Variants in PIK3R2 observed in about 807,000 individuals in gnomAD.
PIK3R2 encodes phosphatidylinositol 3-kinase regulatory subunit beta.
A neutral mutation model predicts 78.5 loss-of-function variants in PIK3R2; 40 were observed. The observed-to-expected ratio is 0.51, with a 90% CI of 0.40 to 0.66. PIK3R2 has a LOEUF of 0.66. Ranked by LOEUF, PIK3R2 falls within the 30% of genes least tolerant of loss-of-function variation. The pLI is 0.00. For synonymous variants in PIK3R2, 473 were observed against 457.7 expected, an observed-to-expected ratio of 1.03 and a Z score of -0.43; for missense variants, 880 against 1,026.6, an observed-to-expected ratio of 0.86 and a Z score of 1.95.
At position 18,156,104 on chromosome 19, in the gene PIK3R2, G is replaced by A. The variant is rs1393139771; in HGVS notation, c.225G>A (p.Val75=). 3.2e-6 allele frequency: 5 copies of A among 1,552,458 alleles called. No homozygotes were observed. The highest frequency in any genetic ancestry group is 4.3e-6 in the Non-Finnish European group (5 of 1,149,452). The part of the protein sequence containing the change: ...RQRGDFPGTY[V]EFLGPVALAR... ...GAGGTGACTTCCCTGGCACCTATGTGGAGTTCCTGGGGCCCGTGGCCCTGG... is the reference window on the plus strand; with the variant it reads ...GAGGTGACTTCCCTGGCACCTATGTAGAGTTCCTGGGGCCCGTGGCCCTGG... The change falls in exon 2 of 16, where the codon GTG becomes GTA. Residue 75 remains valine (V), a synonymous_variant. Transcript: ENST00000222254. The surrounding 1 kb of genome is among the most constrained non-coding windows in gnomAD (Gnocchi z 4.2).
Position 18,156,275 on chromosome 19 carries a change from G to A in PIK3R2, c.322+74G>A. ...CTTGGTCTCCTCTTCTGTCCAGTGA[G>A]GCAATGGGATCTCCAAGGAAGGAGG... is the stretch of plus-strand genomic sequence containing the variant. On this transcript the variant is annotated intron_variant, in intron 2 of 15. Coordinates refer to ENST00000222254, the MANE Select transcript of PIK3R2 (RefSeq NM_005027.4). This position sits in a 1 kb window ranked among gnomAD's most constrained non-coding sequence, Gnocchi z 4.2. The A allele has an allele frequency of 1.7e-6, 2 of 1,155,558 alleles. No individual in the cohort carries two copies. The highest frequency in any genetic ancestry group is 2.4e-6 in the Non-Finnish European group (2 of 850,040). The allele number at this position is 1,155,558 out of a possible 1,614,324, so 71.6% of individuals were successfully genotyped here. A position where few individuals can be genotyped will look rare whatever the true frequency, so the allele number is the denominator to read the frequency against.
Position 18,158,945 on chromosome 19 carries a change from G to C in PIK3R2, c.323-1526G>C, listed in dbSNP as rs273273. ...CAACCTCTGCCTCTCGGGTTCAAGCGATTCTCCTGCCTCAGCCTCCCGAGT... is the reference window on the plus strand; with the variant it reads ...CAACCTCTGCCTCTCGGGTTCAAGCCATTCTCCTGCCTCAGCCTCCCGAGT... On this transcript the variant is annotated intron_variant, in intron 2 of 15. Coordinates refer to ENST00000222254, the MANE Select transcript of PIK3R2 (RefSeq NM_005027.4). 4.0e-3 allele frequency among the ~76,000 whole-genome samples: 603 copies of C among 152,048 alleles called. 6 individuals carry two copies. Among genetic ancestry groups the C allele is most frequent in the African/African-American group, 0.014 (573 of 41,496 alleles).
chr19:18,163,686 G>A (rs148503212), intron 11 of PIK3R2, among the ~76,000 whole-genome samples: 2 of 152,250 alleles, frequency 1.3e-5, no homozygotes, highest in African/African-American at 2.4e-5. Context: ...ACTGGGTGTC[G>A]TGGTGCATGC....
chr19:18,164,561 T>C (rs1016493198), intron 11 of PIK3R2, among the ~76,000 whole-genome samples: 6 of 152,128 alleles, frequency 3.9e-5, no homozygotes, highest in African/African-American at 1.2e-4. Context: ...TAAGAGGGAA[T>C]AGATTCAGGT....
At position 18,156,020 on chromosome 19, in the gene PIK3R2, C is replaced by T. The variant is rs1317987064; in HGVS notation, c.141C>T (p.Gly47=). 8 of 1,558,316 alleles carry T rather than the reference C, an allele frequency of 5.1e-6. No individual in the cohort carries two copies. The South Asian group carries it at 5.9e-5, about 11-fold the overall frequency. ...AGGCGCTGGGCGTGGCCGAGGGTGGCGAGCGCTGCCCACAGAGCGTGGGCT... is the reference window on the plus strand; with the variant it reads ...AGGCGCTGGGCGTGGCCGAGGGTGGTGAGCGCTGCCCACAGAGCGTGGGCT... ...ALQALGVAEG[G]ERCPQSVGWM... Residue 47 remains glycine (G), a synonymous_variant, in exon 2 of 16, where the codon GGC becomes GGT. Transcript: ENST00000222254. The surrounding 1 kb of genome is among the most constrained non-coding windows in gnomAD (Gnocchi z 4.2).
At chr19:18,157,441 C>T (rs1464499133) in intron 2 of PIK3R2, among the ~76,000 whole-genome samples, 2 of 152,236 alleles carry the variant, frequency 1.3e-5, no homozygotes, top group Non-Finnish European at 2.9e-5. Flanking sequence ...GAACCCGCCC[C>T]CTCGAGGCCT....
intron 2 of PIK3R2, among the ~76,000 whole-genome samples, chr19:18,160,139 G>T (rs970580043): frequency 2.0e-5 from 3 of 152,230 alleles, no homozygotes; most frequent in African/African-American, 7.2e-5. Context: ...CACCTGCAAA[G>T]ACCTATTTCC....
In PIK3R2 at chr19:18,165,462, A is replaced by C. The variant is rs189465382; in HGVS notation, c.1417-698A>C. ...GGCAGGAGAATCACTTGAACCCAAG[A>C]GGCAGAGGTTGCAGTGAGCCAAGAT... On this transcript the variant is annotated intron_variant, in intron 11 of 15. Transcript: ENST00000222254. 5.3e-5 allele frequency among the ~76,000 whole-genome samples: 8 copies of C among 152,170 alleles called. 1 individual carries two copies. In the East Asian group the frequency reaches 1.5e-3, roughly 29 times the overall value.
chr19:18,155,857 G>T lies in PIK3R2; in HGVS notation c.-23G>T. The T allele has an allele frequency of 6.5e-7, 1 of 1,527,970 alleles. No individual in the cohort carries two copies. Among genetic ancestry groups the T allele is most frequent in the Non-Finnish European group, 8.8e-7 (1 of 1,135,796 alleles). The allele number at this position is 1,527,970 out of a possible 1,614,324, so 94.7% of individuals were successfully genotyped here. The stretch of plus-strand genomic sequence containing the variant: ...CTCCAAGCAGCCACCTAACCATCCA[G>T]ACCCCACCCCACTCACGCGGCCATG... On this transcript the variant is annotated 5_prime_UTR_variant, in exon 2 of 16. Coordinates refer to ENST00000222254, the MANE Select transcript of PIK3R2 (RefSeq NM_005027.4).
At position 18,168,523 on chromosome 19, in the gene PIK3R2, G is replaced by T. The variant is rs1490932509; in HGVS notation, c.1785G>T (p.Leu595=). The T allele has an allele frequency of 1.3e-6, 1 of 781,314 alleles. No individual in the cohort carries two copies. The highest frequency in any genetic ancestry group is 2.4e-6 in the Non-Finnish European group (1 of 418,626). The allele number at this position is 781,314 out of a possible 1,614,324, so 48.4% of individuals were successfully genotyped here. ...GGCAGAAGAAAATCAACGAGTGGCT[G>T]GGGATTAAAAATGAGACTGAGGAGT... ...GARQKKINEW[L]GIKNETEDQY... The change falls in exon 14 of 16, where the codon CTG becomes CTT. Residue 595 remains leucine, a synonymous_variant. Coordinates refer to ENST00000222254, the MANE Select transcript of PIK3R2 (RefSeq NM_005027.4). This position sits in a 1 kb window ranked among gnomAD's most constrained non-coding sequence, Gnocchi z 4.1.
Position 18,162,504 on chromosome 19 carries a change from C to T in PIK3R2, c.1107C>T (p.Leu369=). Residue 369 remains leucine (L), a splice_region_variant and synonymous_variant, in exon 9 of 16, where the codon CTC becomes CTT. Coordinates refer to ENST00000222254, the MANE Select transcript of PIK3R2 (RefSeq NM_005027.4). ...SKIQGEYTLT[L]RKGGNNKLIK... ...TCCAGGGCGAGTACACGCTGACCCT[C>T]AGGTGGGGGCCTGTCCCTGCAAGGA... 1 of 1,612,352 alleles carries T rather than the reference C, an allele frequency of 6.2e-7. No individual in the cohort carries two copies. Among genetic ancestry groups the T allele is most frequent in the Non-Finnish European group, 8.5e-7 (1 of 1,179,294 alleles).
Position 18,161,160 on chromosome 19 carries a change from G to C in PIK3R2, c.573G>C (p.Ser191=). ...CGCCGCTCGTGACCCCCGAGGCCTC[G>C]GCCGAGGCGCGCCGGGCCCTGCGGG... The part of the protein sequence containing the change: ...LPAPLVTPEA[S]AEARRALREA... Residue 191 remains serine (S), a synonymous_variant, in exon 5 of 16, where the codon TCG becomes TCC. Coordinates refer to ENST00000222254, the MANE Select transcript of PIK3R2 (RefSeq NM_005027.4). This position sits in a 1 kb window ranked among gnomAD's most constrained non-coding sequence, Gnocchi z 5.3. The C allele has an allele frequency of 1.9e-6, 3 of 1,548,722 alleles. No homozygotes were observed. Among genetic ancestry groups the C allele is most frequent in the East Asian group, 2.4e-5 (1 of 40,986 alleles).
chr19:18,162,596 A>G, intron 9 of PIK3R2, 90 bp downstream of exon 9: 1 of 1,134,938 alleles, frequency 8.8e-7, no homozygotes, highest in Non-Finnish European at 1.3e-6. Context: ...GGTTTCAAGA[A>G]TGGAGGGCCA....
rs920131926 is a variant in PIK3R2, at chr19:18,156,897, G to A, written c.322+696G>A. On this transcript the variant is annotated intron_variant, in intron 2 of 15. Transcript: ENST00000222254. The surrounding 1 kb of genome is among the most constrained non-coding windows in gnomAD (Gnocchi z 4.2). ...CAGTGACTGCTGTTTGATGGGCAGG[G>A]AGTGTGGGCTCTGGCCGGGGAAACT... Among the ~76,000 whole-genome samples, 21 of 152,306 alleles carry A rather than the reference G, an allele frequency of 1.4e-4. No homozygotes were observed. Among genetic ancestry groups the A allele is most frequent in the Non-Finnish European group, 2.9e-4 (20 of 68,018 alleles).
At chr19:18,157,372 C>T (rs1431904503) in intron 2 of PIK3R2, among the ~76,000 whole-genome samples, 1 of 151,724 alleles carries the variant, frequency 6.6e-6, no homozygotes, top group Non-Finnish European at 1.5e-5. Flanking sequence ...CACGGCCCCA[C>T]GTGGGGCGGC....
At position 18,167,541 on chromosome 19, in the gene PIK3R2, A is replaced by G. The variant is rs2043822119; in HGVS notation, c.1736+235A>G. Among the ~76,000 whole-genome samples the G allele has an allele frequency of 6.6e-6, 1 of 152,072 alleles. No homozygotes were observed. Among genetic ancestry groups the G allele is most frequent in the Admixed American group, 6.6e-5 (1 of 15,256 alleles). On this transcript the variant is annotated intron_variant, in intron 13 of 15. Transcript: ENST00000222254. The surrounding 1 kb of genome is among the most constrained non-coding windows in gnomAD (Gnocchi z 4.5). Reference sequence around the variant, plus strand: ...TCCTATCCCATTCCATTTTGTGGAAAGTTGGAAGCCTTCCACAAAAATTCC... The same window carrying G: ...TCCTATCCCATTCCATTTTGTGGAAGGTTGGAAGCCTTCCACAAAAATTCC...
At position 18,162,414 on chromosome 19, in the gene PIK3R2, G is replaced by C. The variant is rs1350837507; in HGVS notation, c.1017G>C (p.Glu339Asp). Residue 339 changes from glutamate to aspartate, a missense_variant, in exon 9 of 16, where the codon GAG (glutamate) becomes GAC (aspartate). Transcript: ENST00000222254. ...EWYWGDISRE[E>D]VNEKLRDTPD... ...ATGTTGGATGTTCCCACAGGGAGGA[G>C]GTGAACGAGAAACTCCGGGACACTC... The C allele has an allele frequency of 9.9e-6, 16 of 1,613,440 alleles. No individual in the cohort carries two copies. Among genetic ancestry groups the C allele is most frequent in the Non-Finnish European group, 1.2e-5 (14 of 1,179,868 alleles).
At chr19:18,165,848 CGTA>C (rs1171774676) in intron 11 of PIK3R2, among the ~76,000 whole-genome samples, 1 of 152,048 alleles carries the variant, frequency 6.6e-6, no homozygotes, top group Non-Finnish European at 1.5e-5. Flanking sequence ...TAAGGAAAGT[CGTA>C]GTGCGGCATC....
chr19:18,154,391 C>T (rs373412118), intron 1 of PIK3R2, among the ~76,000 whole-genome samples: 29 of 152,168 alleles, frequency 1.9e-4, no homozygotes, highest in African/African-American at 6.3e-4. Context: ...TTCTAAGCAC[C>T]TCCCCATCTG....
Sources: allele counts gnomAD v4.1 joint callset (sites outside exome capture counted in the v4.1 genomes callset), GRCh38; gene constraint gnomAD v4.1.1; non-coding constraint Gnocchi (gnomAD v3.1); transcripts MANE v1.5; gene names NCBI Gene and HGNC (gene_info 2026-07-23, HGNC 2026-07-21).